GALNT18: variants seen among roughly 807,000 people sequenced by gnomAD.
GALNT18 encodes polypeptide N-acetylgalactosaminyltransferase 18.
A neutral mutation model predicts 69.5 loss-of-function variants in GALNT18; 44 were observed. That is an observed-to-expected ratio of 0.63 (90% CI 0.50 to 0.81). The LOEUF is 0.81. GALNT18 is among the 40% of genes least tolerant of loss of function. GALNT18 has a pLI of 0.00. For synonymous variants in GALNT18, 364 were observed against 318.2 expected (o/e 1.14, Z -1.53); for missense variants, 715 against 810.0 (o/e 0.88, Z 1.42).
At chr11:11,575,809 A>C (rs1013023552) in intron 1 of GALNT18, among the ~76,000 whole-genome samples, 5 of 152,272 alleles carry the variant, frequency 3.3e-5, no homozygotes, top group African/African-American at 1.2e-4. Context: ...CAGCTAAGTG[A>C]GGACCTCACT....
intron 2 of GALNT18, among the ~76,000 whole-genome samples, chr11:11,434,767 A>G (rs192340407): frequency 6.6e-6 from 1 of 152,360 alleles, no homozygotes; most frequent in Non-Finnish European, 1.5e-5. Context: ...ACTTGAATGA[A>G]GGAGAAAGAC....
rs916958807 is a variant in GALNT18, at chr11:11,541,822, G to A, written c.235+79537C>T. Among the ~76,000 whole-genome samples, 5 of 152,238 alleles carry A rather than the reference G, an allele frequency of 3.3e-5. No individual in the cohort carries two copies. Among genetic ancestry groups the A allele is most frequent in the Admixed American group, 2.0e-4 (3 of 15,304 alleles). On this transcript the variant is annotated intron_variant, in intron 1 of 10. Coordinates refer to ENST00000227756, the MANE Select transcript of GALNT18 (RefSeq NM_198516.3). This position sits in a 1 kb window ranked among gnomAD's most constrained non-coding sequence, Gnocchi z 4.8. ...CACGTGAGCCTAGGGCACAAGCCAA[G>A]CCCAGAAGCCTCTCCCGAAGAGTGA...
chr11:11,340,471 T>C lies in GALNT18; in HGVS notation c.1278+348A>G, dbSNP rs1471491191. Among the ~76,000 whole-genome samples, 1 of 152,214 alleles carries C rather than the reference T, an allele frequency of 6.6e-6. No homozygotes were observed. Among genetic ancestry groups the C allele is most frequent in the Non-Finnish European group, 1.5e-5 (1 of 68,026 alleles). Reference sequence around the variant, plus strand: ...ATTTTTGTAGTTACTGGTATATTTGTAATCCAGGACCATGAAACATCTAAT... The same window carrying C: ...ATTTTTGTAGTTACTGGTATATTTGCAATCCAGGACCATGAAACATCTAAT... On this transcript the variant is annotated intron_variant, in intron 7 of 10. Transcript: ENST00000227756. The surrounding 1 kb of genome is among the most constrained non-coding windows in gnomAD (Gnocchi z 4.2).
intron 9 of GALNT18, among the ~76,000 whole-genome samples, chr11:11,296,902 T>C (rs1564885067): frequency 1.3e-5 from 2 of 152,204 alleles, no homozygotes; most frequent in Admixed American, 1.3e-4. Flanking sequence ...GCGGATTAAA[T>C]AAACAAATTG....
chr11:11,276,153 C>G (rs1848941683), intron 10 of GALNT18, among the ~76,000 whole-genome samples: 1 of 152,136 alleles, frequency 6.6e-6, no homozygotes, highest in East Asian at 1.9e-4. Flanking sequence ...ATTGATTCTT[C>G]CCACCCATGA....
chr11:11,434,036 A>C (rs1185542359), intron 2 of GALNT18, among the ~76,000 whole-genome samples: 2 of 152,120 alleles, frequency 1.3e-5, no homozygotes, highest in Non-Finnish European at 2.9e-5. Flanking sequence ...AAAGTGTTGC[A>C]GAATAGGAAT....
intron 3 of GALNT18, among the ~76,000 whole-genome samples, chr11:11,412,810 A>C (rs993871754): frequency 6.6e-6 from 1 of 152,134 alleles, no homozygotes; most frequent in African/African-American, 2.4e-5. Flanking sequence ...ACCACATTTA[A>C]TTATCAGAAC....
At chr11:11,384,825 T>C (rs958341594) in intron 3 of GALNT18, among the ~76,000 whole-genome samples, 7 of 152,192 alleles carry the variant, frequency 4.6e-5, no homozygotes, top group African/African-American at 7.2e-5. Context: ...GACTTTGTTA[T>C]AGCAGCTCAA....
chr11:11,287,329 A>G (rs1011072250), intron 10 of GALNT18, among the ~76,000 whole-genome samples: 1 of 152,188 alleles, frequency 6.6e-6, no homozygotes, highest in African/African-American at 2.4e-5. Context: ...CTTCAATAAC[A>G]TCTTTGAACA....
In GALNT18 at chr11:11,404,362, T is replaced by G. The variant is rs1222427304; in HGVS notation, c.596-25098A>C. On this transcript the variant is annotated intron_variant, in intron 3 of 10. Transcript: ENST00000227756. The surrounding 1 kb of genome is among the most constrained non-coding windows in gnomAD (Gnocchi z 4.5). ...ATTAGTTGGATTCAACTTCGGCTGC[T>G]TTTATTCTCTCACCCTCCCTAGGGA... Among the ~76,000 whole-genome samples the G allele has an allele frequency of 6.6e-6, 1 of 152,174 alleles. No individual in the cohort carries two copies. The highest frequency in any genetic ancestry group is 2.4e-5 in the African/African-American group (1 of 41,450).
intron 1 of GALNT18, among the ~76,000 whole-genome samples, chr11:11,466,060 T>C (rs1376129756): frequency 6.6e-6 from 1 of 152,074 alleles, no homozygotes; most frequent in Non-Finnish European, 1.5e-5. Context: ...TCACCCATTA[T>C]ACGCAAACAG....
rs538040886 is a variant in GALNT18, at chr11:11,387,890, A to T, written c.596-8626T>A. Among the ~76,000 whole-genome samples, 6 of 152,336 alleles carry T rather than the reference A, an allele frequency of 3.9e-5. No individual in the cohort carries two copies. The East Asian group carries it at 1.2e-3, about 29-fold the overall frequency. On this transcript the variant is annotated intron_variant, in intron 3 of 10. Coordinates refer to ENST00000227756, the MANE Select transcript of GALNT18 (RefSeq NM_198516.3). The surrounding 1 kb of genome is among the most constrained non-coding windows in gnomAD (Gnocchi z 4.6). ...CTGCGTGTATTCCTCTGTCTTGAAG[A>T]TCACTCCAGACAAGCTTTCAAACCC...
chr11:11,347,463 C>A lies in GALNT18; in HGVS notation c.1093-6459G>T, dbSNP rs1246735656. On this transcript the variant is annotated intron_variant, in intron 6 of 10. Transcript: ENST00000227756. The surrounding 1 kb of genome is among the most constrained non-coding windows in gnomAD (Gnocchi z 4.0). ...CACTGTGTTGGGAAGAATTCTGAGG[C>A]TCTGTCCAGTCTCAGTGGAGAAGTA... Among the ~76,000 whole-genome samples the A allele has an allele frequency of 6.6e-6, 1 of 152,212 alleles. No individual in the cohort carries two copies. Among genetic ancestry groups the A allele is most frequent in the African/African-American group, 2.4e-5 (1 of 41,450 alleles).
intron 10 of GALNT18, among the ~76,000 whole-genome samples, chr11:11,281,180 G>A (rs551351428): frequency 5.9e-5 from 9 of 152,274 alleles, no homozygotes; most frequent in South Asian, 2.1e-4. Flanking sequence ...ATCTGTTGGC[G>A]TTTCCGGAGC....
At chr11:11,349,646 A>G (rs1193368623) in intron 6 of GALNT18, among the ~76,000 whole-genome samples, 2 of 152,218 alleles carry the variant, frequency 1.3e-5, no homozygotes, top group Non-Finnish European at 2.9e-5. Context: ...CAGGGCTGGC[A>G]CATGAGCGGT....
intron 5 of GALNT18, among the ~76,000 whole-genome samples, chr11:11,376,199 G>A (rs927742921): frequency 2.0e-5 from 3 of 152,150 alleles, no homozygotes; most frequent in Non-Finnish European, 4.4e-5. Flanking sequence ...TGGCCAACAT[G>A]ATGAAACCCT....
intron 8 of GALNT18, among the ~76,000 whole-genome samples, chr11:11,330,917 G>A (rs1850007419): frequency 6.6e-6 from 1 of 152,222 alleles, no homozygotes; most frequent in South Asian, 2.1e-4. Context: ...ACAGCTGACA[G>A]CCTGCTGAGA....
intron 9 of GALNT18, among the ~76,000 whole-genome samples, chr11:11,316,089 G>C (rs1277981225): frequency 6.6e-6 from 1 of 152,160 alleles, no homozygotes; most frequent in Non-Finnish European, 1.5e-5. Context: ...GAGGTGACCA[G>C]AAAAAGCTGC....
rs1345800423 is a variant in GALNT18 at position 11,352,608 on chromosome 11, A to C, written c.1093-11604T>G. The stretch of plus-strand genomic sequence containing the variant: ...AGCCAAACCCCAGTCTATTAGTCGT[A>C]GCTTTCTGTGCTCATGATCAATCAT... On this transcript the variant is annotated intron_variant, in intron 6 of 10. Transcript: ENST00000227756. The C allele has an allele frequency of 3.1e-6, 5 of 1,614,098 alleles. No homozygotes were observed. The African/African-American group carries it at 6.7e-5, about 22-fold the overall frequency.
Sources: allele counts gnomAD v4.1 joint callset (sites outside exome capture counted in the v4.1 genomes callset), GRCh38; gene constraint gnomAD v4.1.1; non-coding constraint Gnocchi (gnomAD v3.1); transcripts MANE v1.5; gene names NCBI Gene and HGNC (gene_info 2026-07-23, HGNC 2026-07-21).